Variants in COG5 observed in about 807,000 individuals in gnomAD.
The protein encoded by COG5 is component of oligomeric golgi complex 5, also known as conserved oligomeric Golgi complex subunit 5.
Under a neutral mutation model 110.4 loss-of-function variants are expected in COG5, and 86 were observed. The ratio of observed to expected loss-of-function variants is 0.78; its 90% CI spans 0.65 to 0.93. The LOEUF (loss-of-function observed/expected upper bound fraction) is 0.93, where lower values mean the gene tolerates loss of function less well. Among genes scored for constraint, COG5 ranks in the 40% least tolerant of loss-of-function variants. COG5 has a pLI of 0.00. For synonymous variants in COG5, 360 were observed against 334.6 expected, an observed-to-expected ratio of 1.08 and a Z score of -0.83; for missense variants, 1,077 against 987.0, an observed-to-expected ratio of 1.09 and a Z score of -1.22.
chr7:107,295,993 G>A (rs577084744), intron 12 of COG5, among the ~76,000 whole-genome samples: 89 of 152,066 alleles, frequency 5.9e-4, no homozygotes, highest in Non-Finnish European at 1.2e-3. Flanking sequence ...GTGTTTCACT[G>A]TTTTGGCCAG....
intron 1 of COG5, among the ~76,000 whole-genome samples, chr7:107,559,273 A>T (rs114271913): frequency 0.011 from 1,633 of 152,316 alleles, 14 homozygotes; most frequent in Non-Finnish European, 0.018. Context: ...ATCCACAAAT[A>T]TGTGGATGAA....
intron 10 of COG5, among the ~76,000 whole-genome samples, chr7:107,359,525 C>T (rs1812912925): frequency 6.6e-6 from 1 of 152,152 alleles, no homozygotes; most frequent in African/African-American, 2.4e-5. Flanking sequence ...TGGTGAGGAC[C>T]AACATTTAAG....
chr7:107,230,566 T>G, intron 19 of COG5, 49 bp downstream of exon 19: 1 of 1,376,598 alleles, frequency 7.3e-7, no homozygotes, highest in South Asian at 1.2e-5. Flanking sequence ...ACAGAAAGGA[T>G]TTATTTGCCT....
At chr7:107,246,289 T>C (rs1199743683) in intron 17 of COG5, among the ~76,000 whole-genome samples, 1 of 152,054 alleles carries the variant, frequency 6.6e-6, no homozygotes, top group Non-Finnish European at 1.5e-5. Flanking sequence ...AATACTATCC[T>C]GAACAAAGGA....
chr7:107,326,005 C>T (rs908542805), intron 10 of COG5, among the ~76,000 whole-genome samples: 1 of 152,156 alleles, frequency 6.6e-6, no homozygotes, highest in Non-Finnish European at 1.5e-5. Flanking sequence ...TGCTTTTCAT[C>T]ATGTTAAGGA....
Position 107,557,967 on chromosome 7 carries a change from C to T in COG5, c.234+9G>A. On this transcript the variant is annotated intron_variant, in intron 2 of 21. Coordinates refer to ENST00000297135, the MANE Select transcript of COG5 (RefSeq NM_006348.5). ...AATAATCCATAGGGACCCAGAAGATCAGAATTACCTGTAAGTGTAGTTCTC... is the reference window on the plus strand; with the variant it reads ...AATAATCCATAGGGACCCAGAAGATTAGAATTACCTGTAAGTGTAGTTCTC... 6.2e-7 allele frequency: 1 copy of T among 1,613,822 alleles called. No homozygotes were observed.
At chr7:107,401,020 T>C (rs1253575455) in intron 7 of COG5, among the ~76,000 whole-genome samples, 1 of 152,140 alleles carries the variant, frequency 6.6e-6, no homozygotes, top group African/African-American at 2.4e-5. Flanking sequence ...ATCAGCATAT[T>C]TTTTCTTTAA....
intron 7 of COG5, among the ~76,000 whole-genome samples, chr7:107,390,760 C>T (rs958021682): frequency 6.8e-6 from 1 of 147,800 alleles, no homozygotes; most frequent in Non-Finnish European, 1.5e-5. Flanking sequence ...GGATGCAAAG[C>T]CAGAATAAGA....
chr7:107,373,240 C>T (rs1346237919), intron 7 of COG5, among the ~76,000 whole-genome samples: 1 of 152,138 alleles, frequency 6.6e-6, no homozygotes, highest in Non-Finnish European at 1.5e-5. Flanking sequence ...ACAGTGCCTA[C>T]TGTATCTGTC....
At position 107,332,133 on chromosome 7, in the gene COG5, C is replaced by A. The variant is rs1163142323; in HGVS notation, c.1027-7612G>T. Among the ~76,000 whole-genome samples, 4 of 152,262 alleles carry A rather than the reference C, an allele frequency of 2.6e-5. No individual in the cohort carries two copies. The East Asian group carries it at 7.7e-4, about 29-fold the overall frequency. ...AAAGTACTGGGATTACAGGCATGAG[C>A]CACCACACCTGGCCACTGACTGCTT... On this transcript the variant is annotated intron_variant, in intron 10 of 21. Coordinates refer to ENST00000297135, the MANE Select transcript of COG5 (RefSeq NM_006348.5).
intron 10 of COG5, among the ~76,000 whole-genome samples, chr7:107,333,644 TAAAC>T (rs1014604364): frequency 2.0e-5 from 3 of 152,152 alleles, no homozygotes; most frequent in Non-Finnish European, 4.4e-5. Flanking sequence ...TAAATACAGA[TAAAC>T]ACAAAGACTT....
At chr7:107,411,166 A>G (rs1390201110) in intron 7 of COG5, among the ~76,000 whole-genome samples, 1 of 152,208 alleles carries the variant, frequency 6.6e-6, no homozygotes, top group African/African-American at 2.4e-5. Flanking sequence ...AATCCCAAAG[A>G]AGGCATAATT....
intron 21 of COG5, chr7:107,208,810 G>A (rs954040284): frequency 2.7e-5 from 27 of 985,386 alleles, no homozygotes; most frequent in Non-Finnish European, 2.9e-5. Flanking sequence ...AAGCTTGAGG[G>A]CTCAGGGTCA....
chr7:107,202,048 C>A lies in COG5; in HGVS notation c.*1468G>T, dbSNP rs183289135. On this transcript the variant is annotated 3_prime_UTR_variant, in exon 22 of 22. Transcript: ENST00000297135. ...TACCATGGCATGCTGAGTTGATGCA[C>A]CAGGTGGCAGCAGCCATCCGTTATT... 1.5e-3 allele frequency: 234 copies of A among 152,784 alleles called. 1 individual carries two copies. Among genetic ancestry groups the A allele is most frequent in the Non-Finnish European group, 1.7e-3 (113 of 68,050 alleles). The allele number at this position is 152,784 out of a possible 1,614,324, so 9.5% of individuals were successfully genotyped here. A position where few individuals can be genotyped will look rare whatever the true frequency, so the allele number is the denominator to read the frequency against.
intron 10 of COG5, among the ~76,000 whole-genome samples, chr7:107,341,229 A>C (rs749747373): frequency 1.3e-5 from 2 of 152,170 alleles, no homozygotes; most frequent in Admixed American, 1.3e-4. Flanking sequence ...CTATACGACA[A>C]TAATGTCCAA....
At chr7:107,349,130 A>G (rs1185673854) in intron 10 of COG5, among the ~76,000 whole-genome samples, 1 of 152,192 alleles carries the variant, frequency 6.6e-6, no homozygotes, top group Non-Finnish European at 1.5e-5. Context: ...ATATTTTTAA[A>G]CATATATCTT....
intron 10 of COG5, among the ~76,000 whole-genome samples, chr7:107,361,442 A>G (rs1272507607): frequency 6.6e-6 from 1 of 152,262 alleles, no homozygotes; most frequent in Admixed American, 6.5e-5. Flanking sequence ...TAAAGCACTT[A>G]TAAGCTGTCA....
At position 107,531,393 on chromosome 7, in the gene COG5, A is replaced by C. The variant is rs556357970; in HGVS notation, c.418-4036T>G. 5.3e-5 allele frequency among the ~76,000 whole-genome samples: 8 copies of C among 152,296 alleles called. 2 individuals are homozygous for C. Among genetic ancestry groups the C allele is most frequent in the African/African-American group, 1.9e-4 (8 of 41,570 alleles). ...TGTTGAGTATCAGCCACTGATATTC[A>C]ATGTCAAAATCCACTGAAACATAAG... On this transcript the variant is annotated intron_variant, in intron 5 of 21. Coordinates refer to ENST00000297135, the MANE Select transcript of COG5 (RefSeq NM_006348.5).
intron 6 of COG5, among the ~76,000 whole-genome samples, chr7:107,414,849 T>C (rs991449338): frequency 1.3e-5 from 2 of 150,696 alleles, no homozygotes; most frequent in African/African-American, 4.9e-5. Flanking sequence ...TGCCTCAGCC[T>C]CCCGGGTAGC....
Sources: gnomAD v4.1 joint callset for allele counts (sites outside exome capture counted in the v4.1 genomes callset) on GRCh38, gnomAD v4.1.1 for gene constraint, MANE v1.5 for transcripts, NCBI Gene and HGNC (gene_info 2026-07-23, HGNC 2026-07-21) for gene names.